The following KIAA1217 variants were observed in gnomAD, a reference collection of about 807,000 sequenced individuals.
KIAA1217 encodes the protein KIAA1217.
A neutral mutation model predicts 163.9 loss-of-function variants in KIAA1217; 88 were observed. That is an observed-to-expected ratio of 0.54 (90% confidence interval 0.45 to 0.64). The LOEUF is 0.64. KIAA1217 is among the 30% of genes least tolerant of loss of function. The pLI, the probability that KIAA1217 is intolerant of heterozygous loss-of-function variation, is 0.00. For missense variants in KIAA1217, 2,372 were observed against 2,475.0 expected (o/e 0.96, Z 0.88); for synonymous variants, 903 against 923.1 (o/e 0.98, Z 0.39).
At chr10:23,860,531 G>C (rs975736702) in intron 1 of KIAA1217, among the ~76,000 whole-genome samples, 1 of 151,970 alleles carries the variant, frequency 6.6e-6, no homozygotes, top group Non-Finnish European at 1.5e-5. Flanking sequence ...AAAATAAATA[G>C]GTTAAAAAAC....
At chr10:23,840,238 C>T (rs1838706499) in intron 1 of KIAA1217, among the ~76,000 whole-genome samples, 1 of 151,984 alleles carries the variant, frequency 6.6e-6, no homozygotes, top group Non-Finnish European at 1.5e-5. Context: ...TCACTGCAAC[C>T]TCTACCTCCC....
In KIAA1217 at chr10:24,474,039, T is replaced by A; in HGVS notation, c.1658T>A (p.Ile553Lys). 6.2e-7 allele frequency: 1 copy of A among 1,608,170 alleles called. No individual in the cohort carries two copies. The highest frequency in any genetic ancestry group is 8.5e-7 in the Non-Finnish European group (1 of 1,176,676). Reference protein sequence around the residue: ...KQVFAYSTATIPKDRETRERM... With the variant: ...KQVFAYSTATKPKDRETRERM... ...GTTTTTGCCTACAGCACGGCGACAA[T>A]ACCCAAAGACAGAGAGACCAGGTAA... is the stretch of plus-strand genomic sequence containing the variant. Residue 553 changes from isoleucine (I) to lysine (K), a missense_variant, in exon 6 of 21, where the codon ATA becomes AAA. Coordinates refer to ENST00000376454, the MANE Select transcript of KIAA1217 (RefSeq NM_019590.5).
intron 1 of KIAA1217, among the ~76,000 whole-genome samples, chr10:23,768,296 A>AC (rs144505437): frequency 0.044 from 6,694 of 152,274 alleles, 493 homozygotes; most frequent in African/African-American, 0.15. Flanking sequence ...AATGCTGGAC[A>AC]CAGTGACTTT....
chr10:24,240,872 A>G (rs2072999694), intron 2 of KIAA1217, among the ~76,000 whole-genome samples: 2 of 151,866 alleles, frequency 1.3e-5, no homozygotes, highest in East Asian at 1.9e-4. Flanking sequence ...TTTTTAAAAA[A>G]AAAAGACAGG....
intron 2 of KIAA1217, among the ~76,000 whole-genome samples, chr10:24,150,647 T>C (rs2131857335): frequency 6.6e-6 from 1 of 152,316 alleles, no homozygotes; most frequent in Admixed American, 6.5e-5. Context: ...GGTAGGAGTT[T>C]ATAGATAATC....
chr10:24,396,935 A>G (rs761286149), intron 3 of KIAA1217, among the ~76,000 whole-genome samples: 1 of 152,118 alleles, frequency 6.6e-6, no homozygotes, highest in Non-Finnish European at 1.5e-5. Flanking sequence ...CAGTGTGGAC[A>G]GGAGCTGGGA....
chr10:24,193,801 T>TACACACACAC (rs10562687), intron 2 of KIAA1217, among the ~76,000 whole-genome samples: 9 of 142,298 alleles, frequency 6.3e-5, no homozygotes, highest in Admixed American at 2.1e-4. Context: ...CAGCGTTTTC[T>TACACACACAC]ACACACACAC....
chr10:24,275,966 T>G (rs537510790), intron 2 of KIAA1217, among the ~76,000 whole-genome samples: 2 of 152,292 alleles, frequency 1.3e-5, no homozygotes, highest in African/African-American at 4.8e-5. Flanking sequence ...GATGTTGCAT[T>G]AAATAGCAAA....
At chr10:24,103,858 G>A (rs1049714840) in intron 2 of KIAA1217, among the ~76,000 whole-genome samples, 1 of 152,152 alleles carries the variant, frequency 6.6e-6, no homozygotes, top group Non-Finnish European at 1.5e-5. Context: ...TGGTATTGGT[G>A]AATGAATAGA....
intron 2 of KIAA1217, among the ~76,000 whole-genome samples, chr10:24,188,107 G>A (rs2066530248): frequency 6.6e-6 from 1 of 152,088 alleles, no homozygotes; most frequent in African/African-American, 2.4e-5. Context: ...TGAGTCAGGA[G>A]AATCGCTCAA....
intron 1 of KIAA1217, among the ~76,000 whole-genome samples, chr10:23,718,530 T>C (rs1295773397): frequency 6.6e-6 from 1 of 152,126 alleles, no homozygotes; most frequent in African/African-American, 2.4e-5. Context: ...CATAATGTTT[T>C]AGTTGCTGAT....
At chr10:24,142,177 A>G (rs1825081361) in intron 2 of KIAA1217, among the ~76,000 whole-genome samples, 3 of 151,974 alleles carry the variant, frequency 2.0e-5, no homozygotes, top group African/African-American at 4.8e-5. Context: ...CCTGATATGT[A>G]TTTAGATTTC....
intron 5 of KIAA1217, among the ~76,000 whole-genome samples, chr10:24,472,281 C>T (rs2063606777): frequency 6.6e-6 from 1 of 152,162 alleles, no homozygotes; most frequent in Non-Finnish European, 1.5e-5. Flanking sequence ...CTGTGTTCTT[C>T]AAGGGTCCAC....
At chr10:24,235,786 C>T (rs947463704) in intron 2 of KIAA1217, among the ~76,000 whole-genome samples, 16 of 152,142 alleles carry the variant, frequency 1.1e-4, no homozygotes, top group South Asian at 2.1e-4. Context: ...CTGTTAACTC[C>T]GTATCTCGGA....
intron 10 of KIAA1217, among the ~76,000 whole-genome samples, chr10:24,517,812 T>A (rs889218135): frequency 2.0e-5 from 3 of 152,118 alleles, no homozygotes; most frequent in African/African-American, 4.8e-5. Context: ...CTGGCCAACA[T>A]GGCGAATCCC....
intron 1 of KIAA1217, among the ~76,000 whole-genome samples, chr10:23,762,099 G>A (rs933271940): frequency 6.6e-6 from 1 of 152,072 alleles, no homozygotes; most frequent in Non-Finnish European, 1.5e-5. Flanking sequence ...TTCTGAAATT[G>A]AGGTAGTAAT....
At position 24,110,912 on chromosome 10, in the gene KIAA1217, A is replaced by C. The variant is rs928802274; in HGVS notation, c.-171+103538A>C. 3.3e-5 allele frequency among the ~76,000 whole-genome samples: 5 copies of C among 152,216 alleles called. No homozygotes were observed. In the South Asian group the frequency reaches 8.3e-4, roughly 25 times the overall value. On this transcript the variant is annotated intron_variant, in intron 2 of 18. Transcript: ENST00000376462. ...AACCACCAAAATCTATTTTTAAGTT[A>C]TTTTTTTCAGTTACGACATATTTTT...
chr10:24,536,674 C>T (rs769895126), intron 16 of KIAA1217, 100 bp from the exon 17 acceptor site: 15 of 1,282,878 alleles, frequency 1.2e-5, no homozygotes, highest in East Asian at 2.5e-5. Context: ...GTGCAGGACC[C>T]GGGTTGGGGT....
chr10:23,829,528 C>A (rs947539935), intron 1 of KIAA1217, among the ~76,000 whole-genome samples: 1 of 152,138 alleles, frequency 6.6e-6, no homozygotes, highest in African/African-American at 2.4e-5. Context: ...ATATTTGCTC[C>A]TTTTTATTAG....
Sources: allele counts gnomAD v4.1 joint callset (sites outside exome capture counted in the v4.1 genomes callset), GRCh38; gene constraint gnomAD v4.1.1; transcripts MANE v1.5; gene names NCBI Gene and HGNC (gene_info 2026-07-23, HGNC 2026-07-21).